ZSWIM6: variants seen among roughly 807,000 people sequenced by gnomAD.
ZSWIM6 encodes the protein zinc finger SWIM domain-containing protein 6.
In ZSWIM6, 9 loss-of-function variants were observed where a neutral mutation model predicts 113.2. The observed-to-expected ratio is 0.08, with a 90% confidence interval of 0.05 to 0.14. ZSWIM6 has a LOEUF of 0.14. Among genes scored for constraint, ZSWIM6 ranks in the 10% least tolerant of loss-of-function variants. The pLI, the probability that ZSWIM6 is intolerant of heterozygous loss-of-function variation, is 1.00. For synonymous variants in ZSWIM6, 611 were observed against 606.5 expected (o/e 1.01, Z -0.11); for missense variants, 1,162 against 1,552.2 (o/e 0.75, Z 4.22).
At chr5:61,523,656 A>C (rs917322194) in intron 5 of ZSWIM6, among the ~76,000 whole-genome samples, 22 of 152,222 alleles carry the variant, frequency 1.4e-4, no homozygotes, top group Non-Finnish European at 3.1e-4. Flanking sequence ...ACTGACATTC[A>C]AGATTTTAAA....
chr5:61,342,553 A>G (rs1244104606), intron 1 of ZSWIM6, among the ~76,000 whole-genome samples: 1 of 152,210 alleles, frequency 6.6e-6, no homozygotes, highest in Admixed American at 6.5e-5. Context: ...TGCTCAAGCA[A>G]TACTGTCCAT....
chr5:61,391,005 T>C, intron 1 of ZSWIM6: 1 of 753,736 alleles, frequency 1.3e-6, no homozygotes, highest in African/African-American at 1.7e-5. Flanking sequence ...TGACAAAGTA[T>C]CCCTGGCTGA....
At chr5:61,495,878 TA>T in intron 4 of ZSWIM6, among the ~76,000 whole-genome samples, 1 of 152,234 alleles carries the variant, frequency 6.6e-6, no homozygotes, top group Middle Eastern at 3.4e-3. Context: ...ATTATTGAAT[TA>T]ATATTAAATG....
chr5:61,522,869 G>C (rs556682522), intron 5 of ZSWIM6, among the ~76,000 whole-genome samples: 70 of 152,120 alleles, frequency 4.6e-4, no homozygotes, highest in South Asian at 2.1e-3. Context: ...ACTGCTTTTG[G>C]GGACTGCTAC....
At chr5:61,422,955 G>A (rs1302880915) in intron 1 of ZSWIM6, among the ~76,000 whole-genome samples, 1 of 152,088 alleles carries the variant, frequency 6.6e-6, no homozygotes, top group African/African-American at 2.4e-5. Context: ...GTTTTTTAAT[G>A]GAGTTTTTAG....
At chr5:61,528,400 AT>A (rs1221863940) in intron 7 of ZSWIM6, among the ~76,000 whole-genome samples, 2 of 151,926 alleles carry the variant, frequency 1.3e-5, no homozygotes, top group Non-Finnish European at 2.9e-5. Flanking sequence ...ATATATACAT[AT>A]ATATATGTGT....
At chr5:61,476,576 G>A (rs950104112) in intron 2 of ZSWIM6, among the ~76,000 whole-genome samples, 2 of 152,178 alleles carry the variant, frequency 1.3e-5, no homozygotes, top group African/African-American at 4.8e-5. Context: ...GAGATTGCCA[G>A]TTGTAGTTCT....
intron 1 of ZSWIM6, among the ~76,000 whole-genome samples, chr5:61,438,704 T>C (rs1746762900): frequency 6.6e-6 from 1 of 152,216 alleles, no homozygotes; most frequent in Non-Finnish European, 1.5e-5. Flanking sequence ...GAAATTGACA[T>C]GTAAAATAGT....
intron 13 of ZSWIM6, among the ~76,000 whole-genome samples, chr5:61,542,665 A>G (rs2112295575): frequency 6.6e-6 from 1 of 152,338 alleles, no homozygotes. Context: ...TCACTAACGT[A>G]TAATGGTTTT....
intron 1 of ZSWIM6, among the ~76,000 whole-genome samples, chr5:61,407,164 G>A (rs570329132): frequency 6.6e-6 from 1 of 152,312 alleles, no homozygotes; most frequent in South Asian, 2.1e-4. Context: ...TGGTGTAAGT[G>A]CAGCCTAAAA....
chr5:61,449,987 T>C (rs904233572), intron 1 of ZSWIM6, among the ~76,000 whole-genome samples: 1 of 152,236 alleles, frequency 6.6e-6, no homozygotes, highest in African/African-American at 2.4e-5. Flanking sequence ...TGAACAGTTT[T>C]GGACTGACCC....
intron 1 of ZSWIM6, among the ~76,000 whole-genome samples, chr5:61,424,804 T>C (rs1171299533): frequency 4.6e-5 from 7 of 150,836 alleles, no homozygotes; most frequent in African/African-American, 1.5e-4. Flanking sequence ...CTCGGCTCAC[T>C]GTAACCTATG....
Position 61,472,853 on chromosome 5 carries a change from C to G in ZSWIM6, c.849C>G (p.Ile283Met), listed in dbSNP as rs1490478004. 3 of 1,551,702 alleles carry G rather than the reference C, an allele frequency of 1.9e-6. No individual in the cohort carries two copies. The Admixed American group carries it at 5.9e-5, about 30-fold the overall frequency. Reference sequence around the variant, plus strand: ...TTGTGGCACTGTCTTTATACCGCATCCGCAAGCCAGATCAGGTCAAACTGC... The same window carrying G: ...TTGTGGCACTGTCTTTATACCGCATGCGCAAGCCAGATCAGGTCAAACTGC... Reference protein sequence around the residue: ...AHVVALSLYRIRKPDQVKLHL... With the variant: ...AHVVALSLYRMRKPDQVKLHL... Residue 283 changes from isoleucine to methionine, a missense_variant, in exon 2 of 14, where the codon ATC becomes ATG. Transcript: ENST00000252744. This position sits in a 1 kb window ranked among gnomAD's most constrained non-coding sequence, Gnocchi z 4.1.
At chr5:61,448,513 G>A (rs926893560) in intron 1 of ZSWIM6, among the ~76,000 whole-genome samples, 1 of 152,018 alleles carries the variant, frequency 6.6e-6, no homozygotes, top group Admixed American at 6.6e-5. Context: ...AAAATGTTTT[G>A]CAAACTTAAT....
At chr5:61,450,344 G>C (rs1747061236) in intron 1 of ZSWIM6, among the ~76,000 whole-genome samples, 5 of 152,172 alleles carry the variant, frequency 3.3e-5, no homozygotes, top group Admixed American at 3.3e-4. Context: ...GGCTGTGGGT[G>C]GTTTGTTAGT....
intron 4 of ZSWIM6, among the ~76,000 whole-genome samples, chr5:61,494,951 A>G (rs930041714): frequency 2.0e-5 from 3 of 152,180 alleles, no homozygotes; most frequent in South Asian, 2.1e-4. Context: ...CAAGTGTTCA[A>G]AAAAATGAGA....
intron 1 of ZSWIM6, among the ~76,000 whole-genome samples, chr5:61,461,102 C>A (rs984758297): frequency 6.6e-6 from 1 of 152,004 alleles, no homozygotes; most frequent in Non-Finnish European, 1.5e-5. Flanking sequence ...TAAAAAATTT[C>A]CCCCCAAATG....
chr5:61,497,269 TC>T (rs1748345352), intron 4 of ZSWIM6, among the ~76,000 whole-genome samples: 1 of 152,148 alleles, frequency 6.6e-6, no homozygotes, highest in East Asian at 1.9e-4. Context: ...TGGCCCAGTG[TC>T]CCCCTCCCCA....
chr5:61,467,481 C>G (rs556007987), intron 1 of ZSWIM6, among the ~76,000 whole-genome samples: 1 of 152,216 alleles, frequency 6.6e-6, no homozygotes, highest in South Asian at 2.1e-4. Flanking sequence ...TACTGGAAAA[C>G]TAAACATACA....
Sources: gnomAD v4.1 joint callset for allele counts (sites outside exome capture counted in the v4.1 genomes callset) on GRCh38, gnomAD v4.1.1 for gene constraint, Gnocchi (gnomAD v3.1) non-coding constraint, MANE v1.5 for transcripts, NCBI Gene and HGNC (gene_info 2026-07-23, HGNC 2026-07-21) for gene names.